Variants in PPP3CA observed in about 807,000 individuals in gnomAD.
PPP3CA encodes the protein protein phosphatase 3 catalytic subunit alpha.
A neutral mutation model predicts 66.5 loss-of-function variants in PPP3CA; 14 were observed. The ratio of observed to expected loss-of-function variants is 0.21; its 90% CI spans 0.14 to 0.33. PPP3CA has a LOEUF of 0.33. Ranked by LOEUF, PPP3CA falls within the 10% of genes least tolerant of loss-of-function variation. PPP3CA has a pLI of 1.00. For missense variants in PPP3CA, 317 were observed against 639.5 expected, an observed-to-expected ratio of 0.50 and a Z score of 5.44; for synonymous variants, 232 against 226.2, an observed-to-expected ratio of 1.03 and a Z score of -0.23.
intron 1 of PPP3CA, among the ~76,000 whole-genome samples, chr4:101,341,584 A>C (rs566327281): frequency 2.6e-5 from 4 of 152,172 alleles, no homozygotes; most frequent in Non-Finnish European, 5.9e-5. Flanking sequence ...GGCAGTGGAC[A>C]AAGTGTTAAC....
chr4:101,272,306 C>T (rs190132754), intron 1 of PPP3CA, among the ~76,000 whole-genome samples: 110 of 152,272 alleles, frequency 7.2e-4, no homozygotes, highest in Admixed American at 8.5e-4. Context: ...TACTTAAAGA[C>T]ATTGCTTAGA....
rs539513101 is a variant in PPP3CA, at chr4:101,154,409, C to T, written c.259+41507G>A. On this transcript the variant is annotated intron_variant, in intron 2 of 13. Transcript: ENST00000394854. ...AATTAGTTCCAACAATTAAAGAGCA[C>T]GTGATTTACTCTGTACAAGAATTTG... Among the ~76,000 whole-genome samples, 11 of 152,158 alleles carry T rather than the reference C, an allele frequency of 7.2e-5. No homozygotes were observed. The East Asian group carries it at 2.1e-3, about 29-fold the overall frequency.
chr4:101,296,879 T>G (rs967983831), intron 1 of PPP3CA, among the ~76,000 whole-genome samples: 1 of 152,208 alleles, frequency 6.6e-6, no homozygotes, highest in African/African-American at 2.4e-5. Context: ...ACTTATTTAG[T>G]GGCCCCTTCT....
chr4:101,308,415 T>C (rs544206681), intron 1 of PPP3CA, among the ~76,000 whole-genome samples: 179 of 152,272 alleles, frequency 1.2e-3, no homozygotes, highest in Middle Eastern at 3.4e-3. Context: ...ATACCTAGCA[T>C]ATAGAATGTT....
At chr4:101,224,247 G>A (rs996532691) in intron 1 of PPP3CA, among the ~76,000 whole-genome samples, 2 of 151,724 alleles carry the variant, frequency 1.3e-5, no homozygotes, top group African/African-American at 4.8e-5. Context: ...CTAATTATAT[G>A]TCTTTACCAG....
chr4:101,236,868 C>CTTAAG (rs1372871334), intron 1 of PPP3CA, among the ~76,000 whole-genome samples: 1 of 151,224 alleles, frequency 6.6e-6, no homozygotes, highest in East Asian at 1.9e-4. Context: ...AATAAGATGC[C>CTTAAG]TTAAGTCTTG....
At chr4:101,280,656 C>T (rs540544414) in intron 1 of PPP3CA, among the ~76,000 whole-genome samples, 5 of 152,050 alleles carry the variant, frequency 3.3e-5, no homozygotes, top group Non-Finnish European at 7.4e-5. Flanking sequence ...CCCATCTCTA[C>T]TAAAAATACA....
At chr4:101,288,366 T>C (rs1309093768) in intron 1 of PPP3CA, among the ~76,000 whole-genome samples, 2 of 152,176 alleles carry the variant, frequency 1.3e-5, no homozygotes, top group Non-Finnish European at 2.9e-5. Flanking sequence ...GCAAAATTAA[T>C]GGTTACCTAC....
intron 2 of PPP3CA, among the ~76,000 whole-genome samples, chr4:101,116,011 C>T (rs956867165): frequency 2.0e-5 from 3 of 151,956 alleles, no homozygotes; most frequent in Non-Finnish European, 4.4e-5. Flanking sequence ...AACTGTTCAG[C>T]AAGACTGTGT....
At chr4:101,126,179 T>A (rs1011756302) in intron 2 of PPP3CA, among the ~76,000 whole-genome samples, 3 of 152,232 alleles carry the variant, frequency 2.0e-5, no homozygotes, top group Non-Finnish European at 2.9e-5. Flanking sequence ...GCCAAGAGAC[T>A]ACTCTTCTCC....
At chr4:101,338,116 C>T (rs1343402259) in intron 1 of PPP3CA, among the ~76,000 whole-genome samples, 1 of 152,180 alleles carries the variant, frequency 6.6e-6, no homozygotes, top group African/African-American at 2.4e-5. Flanking sequence ...AGTATCATCA[C>T]CTGTCTTCCT....
intron 1 of PPP3CA, among the ~76,000 whole-genome samples, chr4:101,323,362 T>G (rs1729100455): frequency 6.6e-6 from 1 of 152,230 alleles, no homozygotes; most frequent in Non-Finnish European, 1.5e-5. Flanking sequence ...TTTGGATTTA[T>G]TCAGCGACTC....
At chr4:101,259,169 C>A (rs1027804359) in intron 1 of PPP3CA, among the ~76,000 whole-genome samples, 2 of 152,160 alleles carry the variant, frequency 1.3e-5, no homozygotes, top group African/African-American at 4.8e-5. Flanking sequence ...CCTCTCCAGC[C>A]ACCCCCCACA....
chr4:101,081,586 C>T (rs1033033849), intron 7 of PPP3CA, among the ~76,000 whole-genome samples: 1 of 152,138 alleles, frequency 6.6e-6, no homozygotes, highest in Non-Finnish European at 1.5e-5. Context: ...TTCAAAACAA[C>T]ATTTTATCAT....
At chr4:101,283,161 G>A (rs772655791) in intron 1 of PPP3CA, among the ~76,000 whole-genome samples, 1 of 152,122 alleles carries the variant, frequency 6.6e-6, no homozygotes, top group Non-Finnish European at 1.5e-5. Context: ...AAAAATTTAC[G>A]GGAAAGCGTC....
rs542649732 is a variant in PPP3CA at position 101,083,190 on chromosome 4, C to A, written c.856G>T (p.Ala286Ser). 1.3e-6 allele frequency: 2 copies of A among 1,496,678 alleles called. No individual in the cohort carries two copies. The highest frequency in any genetic ancestry group is 1.4e-5 in the African/African-American group (1 of 70,570). 92.7% of individuals were successfully genotyped at this position (1,496,678 alleles called of 1,614,324 possible). The change falls in exon 7 of 14, where the codon GCA (alanine) becomes TCA (serine). Residue 286 changes from alanine to serine, a missense_variant. Transcript: ENST00000394854. ...SILRAHEAQD[A>S]GYRMYRKSQT... ...TAAATGCTCAAAACTGCTCACCCTG[C>A]ATCTTGGGCTTCGTGGGCTCGGAGT...
At chr4:101,232,824 C>A (rs1269173252) in intron 1 of PPP3CA, among the ~76,000 whole-genome samples, 1 of 151,524 alleles carries the variant, frequency 6.6e-6, no homozygotes, top group South Asian at 2.1e-4. Flanking sequence ...CTGAAAATGT[C>A]AATTTTTAAA....
chr4:101,243,250 T>C (rs1726369002), intron 1 of PPP3CA, among the ~76,000 whole-genome samples: 1 of 152,204 alleles, frequency 6.6e-6, no homozygotes, highest in South Asian at 2.1e-4. Context: ...ACCGTTTGTG[T>C]GCACACACAT....
chr4:101,340,983 G>A (rs1414600356), intron 1 of PPP3CA, among the ~76,000 whole-genome samples: 4 of 152,058 alleles, frequency 2.6e-5, no homozygotes, highest in Non-Finnish European at 4.4e-5. Context: ...TGAACAGAAA[G>A]CAATGTTTAA....
Sources: allele counts gnomAD v4.1 joint callset (sites outside exome capture counted in the v4.1 genomes callset), GRCh38; gene constraint gnomAD v4.1.1; transcripts MANE v1.5; gene names NCBI Gene and HGNC (gene_info 2026-07-23, HGNC 2026-07-21).